Variants in HHAT observed in about 807,000 individuals in gnomAD.
The protein encoded by HHAT is protein-cysteine N-palmitoyltransferase HHAT.
Under a neutral mutation model 70.8 loss-of-function variants are expected in HHAT, and 47 were observed. The observed-to-expected ratio is 0.66, with a 90% CI of 0.53 to 0.85. The LOEUF (loss-of-function observed/expected upper bound fraction) is 0.85, where lower values mean the gene tolerates loss of function less well. Ranked by LOEUF, HHAT falls within the 40% of genes least tolerant of loss-of-function variation. The pLI, the probability that HHAT is intolerant of heterozygous loss-of-function variation, is 0.00. For synonymous variants in HHAT, 228 were observed against 247.6 expected, an observed-to-expected ratio of 0.92 and a Z score of 0.74; for missense variants, 609 against 604.8, an observed-to-expected ratio of 1.01 and a Z score of -0.07.
chr1:210,370,600 T>C (rs2089474361), intron 3 of HHAT, among the ~76,000 whole-genome samples: 1 of 148,636 alleles, frequency 6.7e-6, no homozygotes, highest in African/African-American at 2.5e-5. Flanking sequence ...CCATTCACAT[T>C]GCAGATGCTA....
chr1:210,435,757 A>T (rs1182142022), intron 7 of HHAT, among the ~76,000 whole-genome samples: 1 of 151,728 alleles, frequency 6.6e-6, no homozygotes, highest in Non-Finnish European at 1.5e-5. Flanking sequence ...GGCCATTTGT[A>T]TGTCATTTTT....
intron 8 of HHAT, among the ~76,000 whole-genome samples, chr1:210,474,777 T>C (rs2094275027): frequency 6.6e-6 from 1 of 151,554 alleles, no homozygotes; most frequent in South Asian, 2.1e-4. Context: ...CTTGCCTGGT[T>C]GGAGTCCACA....
intron 9 of HHAT, among the ~76,000 whole-genome samples, chr1:210,513,440 A>G (rs2094996312): frequency 1.3e-5 from 2 of 152,220 alleles, no homozygotes; most frequent in Admixed American, 1.3e-4. Flanking sequence ...TATAATTCCA[A>G]CTACTAGGCT....
intron 11 of HHAT, among the ~76,000 whole-genome samples, chr1:210,625,084 G>C (rs957195500): frequency 6.6e-6 from 1 of 152,352 alleles, no homozygotes; most frequent in East Asian, 1.9e-4. Context: ...GGCCAAGAGA[G>C]AGTCCTGTTC....
At chr1:210,649,225 C>T (rs1330899204) in intron 11 of HHAT, among the ~76,000 whole-genome samples, 1 of 152,204 alleles carries the variant, frequency 6.6e-6, no homozygotes, top group Non-Finnish European at 1.5e-5. Flanking sequence ...CTCATTCTGG[C>T]TCCCCTCTGA....
intron 9 of HHAT, among the ~76,000 whole-genome samples, chr1:210,579,716 A>T (rs1030193364): frequency 2.0e-4 from 31 of 152,206 alleles, no homozygotes; most frequent in Non-Finnish European, 4.4e-5. Context: ...GCTCTCAAGC[A>T]CTGCGCTCTT....
At chr1:210,433,336 G>C (rs556940173) in intron 7 of HHAT, among the ~76,000 whole-genome samples, 1 of 151,988 alleles carries the variant, frequency 6.6e-6, no homozygotes, top group East Asian at 1.9e-4. Flanking sequence ...ATTGGTGTTA[G>C]TGTGAGCAGC....
At chr1:210,560,850 A>C (rs1461401478) in intron 9 of HHAT, among the ~76,000 whole-genome samples, 17 of 134,870 alleles carry the variant, frequency 1.3e-4, no homozygotes, top group African/African-American at 4.5e-4. Flanking sequence ...AAAAAAAAAA[A>C]ACCAGAGTAG....
intron 8 of HHAT, among the ~76,000 whole-genome samples, chr1:210,470,814 G>A (rs2148458470): frequency 6.6e-6 from 1 of 152,288 alleles, no homozygotes. Context: ...GCCTGGGTTT[G>A]AATCCTGGCT....
intron 9 of HHAT, 67 bp from the exon 10 acceptor site, chr1:210,587,831 G>A (rs1660806935): frequency 8.5e-7 from 1 of 1,170,390 alleles, no homozygotes; most frequent in Non-Finnish European, 1.3e-6. Context: ...GGATAGTCAA[G>A]CTGGGGAGCA....
intron 9 of HHAT, among the ~76,000 whole-genome samples, chr1:210,569,963 G>A (rs1160847864): frequency 6.6e-6 from 1 of 152,106 alleles, no homozygotes; most frequent in African/African-American, 2.4e-5. Flanking sequence ...TTGGTACTCA[G>A]CCTATTTTTT....
chr1:210,658,526 T>C (rs867006429), intron 11 of HHAT, among the ~76,000 whole-genome samples: 2 of 152,198 alleles, frequency 1.3e-5, no homozygotes, highest in African/African-American at 4.8e-5. Flanking sequence ...ATATCCTTGT[T>C]AACCTTCTGT....
chr1:210,546,509 A>G (rs2095484718), intron 9 of HHAT, among the ~76,000 whole-genome samples: 1 of 152,212 alleles, frequency 6.6e-6, no homozygotes, highest in Non-Finnish European at 1.5e-5. Context: ...ATGGTGGTCC[A>G]GTGTGGCTGG....
intron 11 of HHAT, among the ~76,000 whole-genome samples, chr1:210,645,536 G>GTATCGTTGAA (rs1673870198): frequency 1.3e-5 from 2 of 152,178 alleles, no homozygotes; most frequent in South Asian, 4.1e-4. Flanking sequence ...TTTATCGCAA[G>GTATCGTTGAA]TACTGGATAG....
chr1:210,554,036 G>A (rs967363792), intron 9 of HHAT, among the ~76,000 whole-genome samples: 10 of 152,100 alleles, frequency 6.6e-5, no homozygotes, highest in Admixed American at 2.6e-4. Flanking sequence ...TCATGGGCAC[G>A]CAAAGCCTGC....
At chr1:210,472,183 GA>G (rs1216700075) in intron 8 of HHAT, among the ~76,000 whole-genome samples, 2 of 152,060 alleles carry the variant, frequency 1.3e-5, no homozygotes, top group Middle Eastern at 3.4e-3. Flanking sequence ...AATTTATTCA[GA>G]AAAAAAATCC....
intron 7 of HHAT, 79 bp downstream of exon 7, chr1:210,418,404 G>A: frequency 8.6e-7 from 1 of 1,159,522 alleles, no homozygotes; most frequent in Non-Finnish European, 1.2e-6. Flanking sequence ...GGAGTGGGGG[G>A]TGAGCAGGGG....
chr1:210,509,005 A>C (rs1438788941), intron 8 of HHAT, among the ~76,000 whole-genome samples: 1 of 152,218 alleles, frequency 6.6e-6, no homozygotes, highest in Admixed American at 6.5e-5. Flanking sequence ...CATCACTCTG[A>C]GTACTTCAGC....
At chr1:210,536,468 A>G (rs908095198) in intron 9 of HHAT, among the ~76,000 whole-genome samples, 3 of 152,262 alleles carry the variant, frequency 2.0e-5, no homozygotes, top group African/African-American at 7.2e-5. Flanking sequence ...TGCTGGGCTC[A>G]GCACCACATT....
Sources: gnomAD v4.1 joint callset for allele counts (sites outside exome capture counted in the v4.1 genomes callset) on GRCh38, gnomAD v4.1.1 for gene constraint, MANE v1.5 for transcripts, NCBI Gene and HGNC (gene_info 2026-07-23, HGNC 2026-07-21) for gene names.